The following BAALC variants were observed in gnomAD, a reference collection of about 807,000 sequenced individuals.
BAALC encodes the protein brain and acute leukemia cytoplasmic protein.
In BAALC, 9 loss-of-function variants were observed where a neutral mutation model predicts 15.5. The ratio of observed to expected loss-of-function variants is 0.58; its 90% CI spans 0.35 to 1.02. The LOEUF is 1.02. Among genes scored for constraint, BAALC ranks in the 50% least tolerant of loss-of-function variants. The probability of loss-of-function intolerance (pLI) is 0.02; values close to 1 mark genes in which losing one functional copy is unlikely to be tolerated. For missense variants in BAALC, 201 were observed against 192.4 expected (o/e 1.04, Z -0.27); for synonymous variants, 80 against 74.6 (o/e 1.07, Z -0.37).
At chr8:103,207,364 C>A (rs1319546370) in intron 1 of BAALC, among the ~76,000 whole-genome samples, 1 of 152,142 alleles carries the variant, frequency 6.6e-6, no homozygotes, top group Non-Finnish European at 1.5e-5. Flanking sequence ...GCGTATGTAG[C>A]ATCTTCAACA....
chr8:103,177,080 A>C (rs1248313068), intron 1 of BAALC, among the ~76,000 whole-genome samples: 1 of 151,934 alleles, frequency 6.6e-6, no homozygotes, highest in Non-Finnish European at 1.5e-5. Context: ...TAAAAGGGAT[A>C]TTTCTCAAAC....
In BAALC at chr8:103,152,585, C is replaced by G. The variant is rs184438226; in HGVS notation, c.160+11528C>G. 2.6e-5 allele frequency among the ~76,000 whole-genome samples: 4 copies of G among 152,250 alleles called. No individual in the cohort carries two copies. The South Asian group carries it at 8.3e-4, about 32-fold the overall frequency. On this transcript the variant is annotated intron_variant, in intron 1 of 2. Coordinates refer to ENST00000309982, the MANE Select transcript of BAALC (RefSeq NM_024812.3). The stretch of plus-strand genomic sequence containing the variant: ...GATCTGATGGACTCACCCACTGTTA[C>G]AGTCCAAGTGCTTAGAACAGTGCCC...
chr8:103,150,633 T>A (rs1810966345), intron 1 of BAALC, among the ~76,000 whole-genome samples: 1 of 152,250 alleles, frequency 6.6e-6, no homozygotes, highest in Admixed American at 6.5e-5. Flanking sequence ...TGATGCCAGC[T>A]TCTCCTAGAT....
chr8:103,197,988 C>T (rs930176842), intron 1 of BAALC: 13 of 555,252 alleles, frequency 2.3e-5, no homozygotes, highest in Non-Finnish European at 3.5e-5. Flanking sequence ...TTAAACATTG[C>T]TCAAGAATCC....
intron 2 of BAALC, among the ~76,000 whole-genome samples, chr8:103,221,009 G>A (rs1247645527): frequency 6.6e-6 from 1 of 152,172 alleles, no homozygotes; most frequent in Non-Finnish European, 1.5e-5. Context: ...CATTTGGGGG[G>A]AAAGTGAGAA....
In BAALC at chr8:103,162,696, G is replaced by A. The variant is rs1811253358; in HGVS notation, c.160+21639G>A. On this transcript the variant is annotated intron_variant, in intron 1 of 2. Coordinates refer to ENST00000309982, the MANE Select transcript of BAALC (RefSeq NM_024812.3). ...CAAGCCTGCCCAGATTTAAAAGGAG[G>A]GGAATCAGACTCCACTTCTTAATGG... Among the ~76,000 whole-genome samples, 4 of 152,178 alleles carry A rather than the reference G, an allele frequency of 2.6e-5. No homozygotes were observed. The South Asian group carries it at 8.3e-4, about 32-fold the overall frequency.
Position 103,154,097 on chromosome 8 carries a change from G to T in BAALC, c.160+13040G>T, listed in dbSNP as rs1811037235. On this transcript the variant is annotated intron_variant, in intron 1 of 2. Coordinates refer to ENST00000309982, the MANE Select transcript of BAALC (RefSeq NM_024812.3). ...GTCAGGCTCACACTTTCTTGCTGGG[G>T]TGATAAGTGATGATGTACAAGCACA... Among the ~76,000 whole-genome samples, 3 of 152,314 alleles carry T rather than the reference G, an allele frequency of 2.0e-5. No homozygotes were observed. In the Middle Eastern group the frequency reaches 0.01, roughly 518 times the overall value.
In BAALC at chr8:103,229,900, C is replaced by T. The variant is rs1348311529; in HGVS notation, c.*1801C>T. 2.0e-5 allele frequency: 3 copies of T among 152,178 alleles called. No homozygotes were observed. Among genetic ancestry groups the T allele is most frequent in the African/African-American group, 7.2e-5 (3 of 41,450 alleles). 9.4% of individuals were successfully genotyped at this position (152,178 alleles called of 1,614,324 possible). A position where few individuals can be genotyped will look rare whatever the true frequency, so the allele number is the denominator to read the frequency against. On this transcript the variant is annotated 3_prime_UTR_variant, in exon 3 of 3. Transcript: ENST00000309982. ...GATTCATATGTCCCCACTGGCATTA[C>T]TCAGCAGGAGCCCCCAGCTGCCAAA... is the stretch of plus-strand genomic sequence containing the variant.
chr8:103,141,018 GCCC>G lies in BAALC; in HGVS notation c.123_125del (p.Pro42del). 1 of 1,518,004 alleles carries G rather than the reference GCCC, an allele frequency of 6.6e-7. No homozygotes were observed. The highest frequency in any genetic ancestry group is 1.2e-5 in the South Asian group (1 of 81,108). The allele number at this position is 1,518,004 out of a possible 1,614,324, so 94.0% of individuals were successfully genotyped here. A position where few individuals can be genotyped will look rare whatever the true frequency, so the allele number is the denominator to read the frequency against. Reference sequence around the variant, plus strand: ...CTCGGACGCGCCGCCCAGCGCCGCCGCCCCGGACAGCGGCCCCGAAGCGGGCGG... The same window carrying G: ...CTCGGACGCGCCGCCCAGCGCCGCCGCGGACAGCGGCCCCGAAGCGGGCGG... On this transcript the variant is annotated inframe_deletion, in exon 1 of 3. Transcript: ENST00000309982.
intron 1 of BAALC, among the ~76,000 whole-genome samples, chr8:103,189,988 C>T (rs1563648534): frequency 6.6e-6 from 1 of 152,048 alleles, no homozygotes; most frequent in Non-Finnish European, 1.5e-5. Context: ...CTGTACCTTT[C>T]CAGTGGAAGC....
chr8:103,164,848 C>T (rs570424509), intron 1 of BAALC, among the ~76,000 whole-genome samples: 2 of 152,332 alleles, frequency 1.3e-5, no homozygotes, highest in South Asian at 4.1e-4. Context: ...TATGGTCAGC[C>T]TTGTGCACAT....
At chr8:103,216,951 T>TAC (rs1414102794) in intron 2 of BAALC, among the ~76,000 whole-genome samples, 1 of 152,084 alleles carries the variant, frequency 6.6e-6, no homozygotes, top group Non-Finnish European at 1.5e-5. Context: ...ATGCCGCACA[T>TAC]ACACACACAC....
chr8:103,185,193 A>T (rs975045493), intron 1 of BAALC, among the ~76,000 whole-genome samples: 2 of 152,134 alleles, frequency 1.3e-5, no homozygotes, highest in South Asian at 4.2e-4. Context: ...GGTTGCTGCA[A>T]GATGATTACT....
At chr8:103,220,155 G>A (rs1413456119) in intron 2 of BAALC, among the ~76,000 whole-genome samples, 1 of 152,202 alleles carries the variant, frequency 6.6e-6, no homozygotes, top group Non-Finnish European at 1.5e-5. Context: ...GGAGAATTTA[G>A]AGTGAGCTTT....
intron 1 of BAALC, among the ~76,000 whole-genome samples, chr8:103,202,014 G>A (rs1691363365): frequency 6.6e-6 from 1 of 152,170 alleles, no homozygotes; most frequent in South Asian, 2.1e-4. Context: ...TTGGGACACA[G>A]TAGGCAAAAT....
chr8:103,169,989 G>A (rs575085927), intron 1 of BAALC, among the ~76,000 whole-genome samples: 2 of 152,228 alleles, frequency 1.3e-5, no homozygotes, highest in Non-Finnish European at 2.9e-5. Context: ...AAAACACGTT[G>A]TACTCAAGTT....
chr8:103,227,129 G>A (rs1243877807), intron 2 of BAALC, among the ~76,000 whole-genome samples: 1 of 152,184 alleles, frequency 6.6e-6, no homozygotes, highest in Non-Finnish European at 1.5e-5. Flanking sequence ...CTGATAGGAA[G>A]CATATGTGCA....
At chr8:103,213,247 C>T in intron 2 of BAALC, 162 bp downstream of exon 2, 1 of 723,048 alleles carries the variant, frequency 1.4e-6, no homozygotes, top group Non-Finnish European at 2.2e-6. Flanking sequence ...CTGCAAACCC[C>T]ACCCCAAAAC....
intron 1 of BAALC, among the ~76,000 whole-genome samples, chr8:103,161,539 C>T (rs1042958687): frequency 6.6e-6 from 1 of 152,206 alleles, no homozygotes; most frequent in Non-Finnish European, 1.5e-5. Flanking sequence ...CAGTCTCCTA[C>T]TGATGGCCAT....
Sources: gnomAD v4.1 joint callset for allele counts (sites outside exome capture counted in the v4.1 genomes callset) on GRCh38, gnomAD v4.1.1 for gene constraint, MANE v1.5 for transcripts, NCBI Gene and HGNC (gene_info 2026-07-23, HGNC 2026-07-21) for gene names.